Variants in HOTAIR observed in about 807,000 individuals in gnomAD.
HOTAIR encodes HOX transcript antisense RNA.
chr12:53,971,618 C>T (rs141909030), intron 1 of HOTAIR, among the ~76,000 whole-genome samples: 9 of 152,222 alleles, frequency 5.9e-5, no homozygotes, highest in African/African-American at 1.2e-4. Context: ...TTTGTTTTCC[C>T]CTGAGTGTGC....
intron 1 of HOTAIR, among the ~76,000 whole-genome samples, chr12:53,972,212 A>G (rs996239492): frequency 6.6e-6 from 1 of 152,208 alleles, no homozygotes; most frequent in African/African-American, 2.4e-5. Flanking sequence ...CACTAAGCCA[A>G]AGGGCCCTGA....
chr12:53,969,844 G>A (rs1939118757), intron 1 of HOTAIR, among the ~76,000 whole-genome samples: 1 of 152,124 alleles, frequency 6.6e-6, no homozygotes, highest in Non-Finnish European at 1.5e-5. Context: ...CCAGTTCATG[G>A]TCTGTGGGAT....
intron 1 of HOTAIR, among the ~76,000 whole-genome samples, chr12:53,970,277 AGGGATTGGGG>A (rs1939127186): frequency 6.6e-6 from 1 of 152,154 alleles, no homozygotes; most frequent in Non-Finnish European, 1.5e-5. Flanking sequence ...TTGACAAGGA[AGGGATTGGGG>A]GCCAGGGATG....
At chr12:53,968,544 G>A (rs1189642328) in intron 2 of HOTAIR, 6 of 152,312 alleles carry the variant, frequency 3.9e-5, no homozygotes, top group Admixed American at 3.9e-4. Flanking sequence ...CAGCAAAATG[G>A]GGGAGACTTG....
chr12:53,964,471 G>A (rs570698551), intron 5 of HOTAIR, among the ~76,000 whole-genome samples: 13 of 152,264 alleles, frequency 8.5e-5, no homozygotes, highest in South Asian at 8.3e-4. Flanking sequence ...TTTGCCTGAA[G>A]AAACAATGTA....
At chr12:53,971,380 C>A (rs1487172963) in intron 1 of HOTAIR, among the ~76,000 whole-genome samples, 1 of 152,208 alleles carries the variant, frequency 6.6e-6, no homozygotes, top group Non-Finnish European at 1.5e-5. Flanking sequence ...AGACTCCACT[C>A]AGGTGTCACT....
exon 7 of HOTAIR, chr12:53,963,428 G>A (rs1416226724): frequency 2.0e-5 from 3 of 152,230 alleles, no homozygotes; most frequent in Non-Finnish European, 2.9e-5. Context: ...TCTTTCCTTA[G>A]CAACTAAAAA....
intron 2 of HOTAIR, chr12:53,968,367 T>G: frequency 6.6e-6 from 1 of 152,214 alleles, no homozygotes. Flanking sequence ...TGAGCCTCGC[T>G]AATGCACGAT....
At chr12:53,963,186 G>A (rs1014410307) in exon 7 of HOTAIR, 3 of 152,198 alleles carry the variant, frequency 2.0e-5, no homozygotes, top group African/African-American at 4.8e-5. Context: ...CTCAAATTCC[G>A]GAGCAGCTCA....
At chr12:53,971,606 T>TG (rs1354649977) in intron 1 of HOTAIR, among the ~76,000 whole-genome samples, 2 of 152,212 alleles carry the variant, frequency 1.3e-5, no homozygotes, top group African/African-American at 4.8e-5. Context: ...TTCGGGCTAT[T>TG]TTTTGTTTTC....
intron 5 of HOTAIR, among the ~76,000 whole-genome samples, chr12:53,964,803 G>T (rs1939021400): frequency 6.6e-6 from 1 of 152,182 alleles, no homozygotes; most frequent in Admixed American, 6.5e-5. Flanking sequence ...AAATCAAGGA[G>T]GCCCTAGGCA....
At position 53,973,756 on chromosome 12, in the gene HOTAIR, C is replaced by T. The variant is rs1939193712; in HGVS notation, n.59+1142G>A. 3 of 1,612,420 alleles carry T rather than the reference C, an allele frequency of 1.9e-6. No individual in the cohort carries two copies. In the East Asian group the frequency reaches 6.7e-5, roughly 36 times the overall value. On this transcript the variant is annotated intron_variant and non_coding_transcript_variant, in intron 1 of 6. Coordinates refer to ENST00000424518, the Ensembl canonical transcript of HOTAIR. The surrounding 1 kb of genome is among the most constrained non-coding windows in gnomAD (Gnocchi z 4.3). The stretch of plus-strand genomic sequence containing the variant: ...GACCCGCCCGCCGAGCCCCCCTGCT[C>T]CGGCAAGGGCGAGGCCAAGGGGGAG...
At chr12:53,968,292 AC>A (rs1939090046) in intron 2 of HOTAIR, 1 of 150,820 alleles carries the variant, frequency 6.6e-6, no homozygotes, top group Non-Finnish European at 1.5e-5. Context: ...ACCCAAAGAA[AC>A]CCCTGGGGCC....
At chr12:53,969,870 C>T (rs1038323036) in intron 1 of HOTAIR, among the ~76,000 whole-genome samples, 1 of 152,230 alleles carries the variant, frequency 6.6e-6, no homozygotes, top group African/African-American at 2.4e-5. Context: ...CCTTTCCCTA[C>T]CACGATCTGC....
At chr12:53,971,896 T>C (rs1043621414) in intron 1 of HOTAIR, among the ~76,000 whole-genome samples, 1 of 152,194 alleles carries the variant, frequency 6.6e-6, no homozygotes, top group Non-Finnish European at 1.5e-5. Flanking sequence ...GCTGACAGAC[T>C]TGTAGGAGGG....
intron 1 of HOTAIR, among the ~76,000 whole-genome samples, chr12:53,974,085 C>T (rs1939203460): frequency 6.7e-6 from 1 of 149,728 alleles, no homozygotes; most frequent in African/African-American, 2.4e-5. Context: ...TTATTATAAC[C>T]TACAAAGCCC....
exon 7 of HOTAIR, chr12:53,963,218 A>G (rs1234766735): frequency 6.6e-6 from 1 of 152,238 alleles, no homozygotes; most frequent in Non-Finnish European, 1.5e-5. Context: ...TCCAGCCGGG[A>G]CAGAGAGGCT....
At chr12:53,969,181 G>A (rs1306003996) in intron 1 of HOTAIR, among the ~76,000 whole-genome samples, 1 of 152,234 alleles carries the variant, frequency 6.6e-6, no homozygotes, top group Non-Finnish European at 1.5e-5. Flanking sequence ...GGAAACTGAA[G>A]CCCAATAGCA....
Position 53,973,641 on chromosome 12 carries a change from C to T in HOTAIR, n.59+1257G>A. 1 of 1,613,788 alleles carries T rather than the reference C, an allele frequency of 6.2e-7. No homozygotes were observed. Among genetic ancestry groups the T allele is most frequent in the Non-Finnish European group, 8.5e-7 (1 of 1,180,026 alleles). On this transcript the variant is annotated intron_variant and non_coding_transcript_variant, in intron 1 of 6. Transcript: ENST00000424518. This position sits in a 1 kb window ranked among gnomAD's most constrained non-coding sequence, Gnocchi z 4.3. ...CCACCCCAGCGCCCCGCACGCAACC[C>T]CCGCCGGCTTCTACTCCTCAGTCAA... is the stretch of plus-strand genomic sequence containing the variant.
Sources: allele counts gnomAD v4.1 joint callset (sites outside exome capture counted in the v4.1 genomes callset), GRCh38; gene constraint gnomAD v4.1.1; non-coding constraint Gnocchi (gnomAD v3.1); transcripts MANE v1.5; gene names NCBI Gene and HGNC (gene_info 2026-07-23, HGNC 2026-07-21).